The following LARGE1 variants were observed in gnomAD, a reference collection of about 807,000 sequenced individuals.
The protein encoded by LARGE1 is xylosyl- and glucuronyltransferase LARGE1.
A neutral mutation model predicts 87.6 loss-of-function variants in LARGE1; 43 were observed. The observed-to-expected ratio is 0.49, with a 90% CI of 0.38 to 0.63. The LOEUF is 0.63. Among genes scored for constraint, LARGE1 ranks in the 30% least tolerant of loss-of-function variants. LARGE1 has a pLI of 0.00. For missense variants in LARGE1, 802 were observed against 1,000.2 expected (o/e 0.80, Z 2.67); for synonymous variants, 434 against 394.6 (o/e 1.10, Z -1.18).
At chr22:33,464,903 ACACATACACATGCACACATACATG>A (rs2068536297) in intron 6 of LARGE1, among the ~76,000 whole-genome samples, 1 of 141,416 alleles carries the variant, frequency 7.1e-6, no homozygotes, top group Non-Finnish European at 1.5e-5. Context: ...ACACACACAC[ACACATACACATGCACACATACATG>A]CACGTACACA....
chr22:33,486,313 T>C (rs1406994289), intron 6 of LARGE1, among the ~76,000 whole-genome samples: 1 of 152,220 alleles, frequency 6.6e-6, no homozygotes, highest in Admixed American at 6.5e-5. Flanking sequence ...CCTGGGGCTC[T>C]AGACCAAAGC....
intron 1 of LARGE1, among the ~76,000 whole-genome samples, chr22:33,799,441 A>G (rs1357832850): frequency 6.7e-6 from 1 of 150,252 alleles, no homozygotes; most frequent in Non-Finnish European, 1.5e-5. Flanking sequence ...TACAGATAAG[A>G]AACTTCTTTT....
At chr22:33,305,251 C>T (rs756886807) in intron 11 of LARGE1, among the ~76,000 whole-genome samples, 2 of 151,566 alleles carry the variant, frequency 1.3e-5, no homozygotes, top group East Asian at 1.9e-4. Context: ...GTCTGCATCA[C>T]TCGTCTTCAG....
At chr22:33,833,232 T>G (rs2063023109) in intron 1 of LARGE1, among the ~76,000 whole-genome samples, 4 of 152,222 alleles carry the variant, frequency 2.6e-5, no homozygotes, top group Admixed American at 2.6e-4. Flanking sequence ...AATTATAAAG[T>G]CTAATCAAAC....
chr22:33,294,117 C>T (rs76514928), intron 12 of LARGE1, among the ~76,000 whole-genome samples: 4,802 of 152,316 alleles, frequency 0.032, 243 homozygotes, highest in African/African-American at 0.11. Context: ...CCCTACTCCT[C>T]GGGCAGGGGT....
chr22:33,294,817 G>C (rs963757278), intron 12 of LARGE1, among the ~76,000 whole-genome samples: 2 of 152,188 alleles, frequency 1.3e-5, no homozygotes, highest in Non-Finnish European at 2.9e-5. Context: ...TAAGTGTATA[G>C]GGAATGGAGG....
chr22:33,103,927 C>T, the LARGE1 span, among the ~76,000 whole-genome samples: 5 of 152,178 alleles, frequency 3.3e-5, no homozygotes, highest in Non-Finnish European at 7.3e-5. Flanking sequence ...TATCACTTCT[C>T]TCTTGTCTGC....
intron 11 of LARGE1, among the ~76,000 whole-genome samples, chr22:33,168,013 A>G (rs182350371): frequency 6.6e-6 from 1 of 152,236 alleles, no homozygotes; most frequent in East Asian, 1.9e-4. Flanking sequence ...TCAGCCTCCT[A>G]CCAGCCATTC....
chr22:33,525,925 T>C (rs1474940090), intron 6 of LARGE1, among the ~76,000 whole-genome samples: 1 of 152,172 alleles, frequency 6.6e-6, no homozygotes, highest in Non-Finnish European at 1.5e-5. Context: ...GGCAGCCCCA[T>C]TCCTAGGAAT....
intron 1 of LARGE1, among the ~76,000 whole-genome samples, chr22:33,857,216 C>T (rs1239495592): frequency 1.3e-5 from 2 of 152,164 alleles, no homozygotes; most frequent in Admixed American, 1.3e-4. Context: ...CCGCACCCAG[C>T]CTAAAAGAAC....
chr22:33,762,849 C>T (rs1272634885), intron 1 of LARGE1, among the ~76,000 whole-genome samples: 2 of 152,234 alleles, frequency 1.3e-5, no homozygotes, highest in Non-Finnish European at 2.9e-5. Context: ...ACATAGGTGT[C>T]ACGCTGACTA....
At chr22:33,266,450 C>A (rs1927944962) in intron 11 of LARGE1, among the ~76,000 whole-genome samples, 1 of 151,492 alleles carries the variant, frequency 6.6e-6, no homozygotes, top group Non-Finnish European at 1.5e-5. Context: ...TCTTGAACTC[C>A]TGACCTCAGC....
At chr22:33,364,318 A>G (rs150359836) in intron 9 of LARGE1, among the ~76,000 whole-genome samples, 1,850 of 152,118 alleles carry the variant, frequency 0.012, 37 homozygotes, top group African/African-American at 0.042. Context: ...CGGCCTCCCA[A>G]AGTGCTGGGA....
At chr22:33,860,478 A>C (rs2063884238) in intron 1 of LARGE1, among the ~76,000 whole-genome samples, 1 of 152,048 alleles carries the variant, frequency 6.6e-6, no homozygotes, top group South Asian at 2.1e-4. Context: ...AGAGAAGTTA[A>C]GGGCCTGGAG....
intron 1 of LARGE1, among the ~76,000 whole-genome samples, chr22:33,829,488 C>G (rs1347166644): frequency 1.3e-5 from 2 of 152,170 alleles, no homozygotes; most frequent in Non-Finnish European, 2.9e-5. Flanking sequence ...CTTTGCTTCG[C>G]TCATTCCTGT....
chr22:33,858,101 G>A (rs2063807437), intron 1 of LARGE1, among the ~76,000 whole-genome samples: 1 of 152,212 alleles, frequency 6.6e-6, no homozygotes, highest in African/African-American at 2.4e-5. Flanking sequence ...AGTCACGGAA[G>A]AGAACCGTGG....
chr22:33,144,500 T>G, the LARGE1 span, among the ~76,000 whole-genome samples: 6 of 152,142 alleles, frequency 3.9e-5, no homozygotes, highest in Admixed American at 3.3e-4. Flanking sequence ...GCATATATGT[T>G]GAGGTTGATT....
At chr22:33,459,731 C>T (rs1315191680) in intron 6 of LARGE1, among the ~76,000 whole-genome samples, 1 of 151,568 alleles carries the variant, frequency 6.6e-6, no homozygotes, top group Non-Finnish European at 1.5e-5. Flanking sequence ...CCAATTCACA[C>T]CCCCAATAGC....
At chr22:33,786,172 A>T (rs565335847) in intron 1 of LARGE1, among the ~76,000 whole-genome samples, 2 of 152,330 alleles carry the variant, frequency 1.3e-5, no homozygotes, top group East Asian at 3.9e-4. Context: ...CTGGGAAGAC[A>T]GGGAAGGTGG....
Sources: gnomAD v4.1 joint callset for allele counts (sites outside exome capture counted in the v4.1 genomes callset) on GRCh38, gnomAD v4.1.1 for gene constraint, MANE v1.5 for transcripts, NCBI Gene and HGNC (gene_info 2026-07-23, HGNC 2026-07-21) for gene names.